Variants in L3MBTL4 observed in about 807,000 individuals in gnomAD.
L3MBTL4 encodes L3MBTL histone methyl-lysine binding protein 4, also known as lethal(3)malignant brain tumor-like protein 4.
A neutral mutation model predicts 84.5 loss-of-function variants in L3MBTL4; 70 were observed. The observed-to-expected ratio is 0.83, with a 90% CI of 0.68 to 1.01. L3MBTL4 has a LOEUF of 1.01. L3MBTL4 is among the 50% of genes least tolerant of loss of function. The pLI is 0.00. For missense variants in L3MBTL4, 715 were observed against 754.8 expected, an observed-to-expected ratio of 0.95 and a Z score of 0.62; for synonymous variants, 274 against 259.8, an observed-to-expected ratio of 1.05 and a Z score of -0.52.
chr18:6,126,262 A>G (rs975134753), intron 14 of L3MBTL4, among the ~76,000 whole-genome samples: 4 of 152,184 alleles, frequency 2.6e-5, no homozygotes, highest in African/African-American at 9.7e-5. Context: ...CCATAGACTA[A>G]TCTTGTAATA....
chr18:5,999,090 C>G (rs986740446), intron 16 of L3MBTL4, among the ~76,000 whole-genome samples: 4 of 152,210 alleles, frequency 2.6e-5, no homozygotes, highest in Non-Finnish European at 5.9e-5. Flanking sequence ...GTCCCACCTA[C>G]TGCCTCACCA....
At chr18:6,358,823 A>G (rs946727203) in intron 1 of L3MBTL4, among the ~76,000 whole-genome samples, 1 of 152,228 alleles carries the variant, frequency 6.6e-6, no homozygotes, top group African/African-American at 2.4e-5. Flanking sequence ...GGCAAGAGGA[A>G]TGAGCAGAAG....
chr18:5,962,735 C>T (rs1034188698), intron 17 of L3MBTL4, among the ~76,000 whole-genome samples: 2 of 152,180 alleles, frequency 1.3e-5, no homozygotes, highest in African/African-American at 4.8e-5. Context: ...AATGGTCCAG[C>T]AGGGTCTGTA....
chr18:6,029,800 T>C (rs1170682269), intron 16 of L3MBTL4: 22 of 985,272 alleles, frequency 2.2e-5, no homozygotes, highest in Non-Finnish European at 2.3e-5. Context: ...TAAAGTTCAT[T>C]TGGAAAAATG....
intron 16 of L3MBTL4, among the ~76,000 whole-genome samples, chr18:5,976,577 A>C (rs2052944990): frequency 1.3e-5 from 2 of 152,174 alleles, no homozygotes; most frequent in Admixed American, 1.3e-4. Context: ...GAAGGCGTGA[A>C]GACAGGAGGT....
In L3MBTL4 at chr18:6,105,279, C is replaced by T. The variant is rs1255874352; in HGVS notation, c.1200-11751G>A. On this transcript the variant is annotated intron_variant, in intron 14 of 18. Coordinates refer to ENST00000317931, the MANE Select transcript of L3MBTL4 (RefSeq NM_001330559.2). ...GATCTCAGCTCACGGCAACCTCCGC[C>T]TCCAGGGTTCAAGCGATTCTTCTGC... Among the ~76,000 whole-genome samples, 3 of 150,570 alleles carry T rather than the reference C, an allele frequency of 2.0e-5. No individual in the cohort carries two copies. The East Asian group carries it at 6.0e-4, about 30-fold the overall frequency.
intron 15 of L3MBTL4, among the ~76,000 whole-genome samples, chr18:6,087,246 C>G (rs2058288239): frequency 6.6e-6 from 1 of 152,146 alleles, no homozygotes. Flanking sequence ...AACTACATAC[C>G]AAAACCAAAT....
chr18:6,361,908 G>C (rs1054561493), intron 1 of L3MBTL4, among the ~76,000 whole-genome samples: 2 of 151,972 alleles, frequency 1.3e-5, no homozygotes, highest in Middle Eastern at 6.3e-3. Flanking sequence ...TTGACTCCAA[G>C]AGTTTGAGAC....
At chr18:6,277,153 G>T in intron 4 of L3MBTL4, among the ~76,000 whole-genome samples, 1 of 108,750 alleles carries the variant, frequency 9.2e-6, no homozygotes, top group South Asian at 3.9e-4. Flanking sequence ...GGGGGGACGG[G>T]GGAGGGATAG....
chr18:6,387,076 A>G (rs1174099358), intron 1 of L3MBTL4, among the ~76,000 whole-genome samples: 1 of 152,220 alleles, frequency 6.6e-6, no homozygotes, highest in East Asian at 1.9e-4. Context: ...GGCGACAGAC[A>G]GGATTACAGA....
chr18:6,283,938 A>T (rs2049436749), intron 4 of L3MBTL4, among the ~76,000 whole-genome samples: 1 of 152,234 alleles, frequency 6.6e-6, no homozygotes, highest in South Asian at 2.1e-4. Flanking sequence ...GATTTCTAAA[A>T]GGTAAGATTT....
intron 16 of L3MBTL4, among the ~76,000 whole-genome samples, chr18:5,981,624 T>C (rs2053220505): frequency 6.6e-6 from 1 of 150,750 alleles, no homozygotes; most frequent in Non-Finnish European, 1.5e-5. Context: ...AAGACCAGCC[T>C]GGGCAACACA....
chr18:6,266,722 G>A (rs897459549), intron 4 of L3MBTL4, among the ~76,000 whole-genome samples: 4 of 152,082 alleles, frequency 2.6e-5, no homozygotes, highest in Non-Finnish European at 4.4e-5. Context: ...TCAGGAGTTC[G>A]AGACCAGCCT....
intron 12 of L3MBTL4, among the ~76,000 whole-genome samples, chr18:6,184,607 T>A (rs2044634160): frequency 6.6e-6 from 1 of 152,236 alleles, no homozygotes; most frequent in Non-Finnish European, 1.5e-5. Flanking sequence ...TTTTAAGCCA[T>A]TTCTTCTTTT....
At position 5,956,058 on chromosome 18, in the gene L3MBTL4, T is replaced by C; in HGVS notation, c.*162A>G. On this transcript the variant is annotated 3_prime_UTR_variant, in exon 19 of 19. Transcript: ENST00000317931. ...CTCTGAGTCATTGGCACTGGACCAG[T>C]CATCAAAATCCTCTAAACATGTAAA... 1 of 659,052 alleles carries C rather than the reference T, an allele frequency of 1.5e-6. No individual in the cohort carries two copies. Among genetic ancestry groups the C allele is most frequent in the South Asian group, 1.9e-5 (1 of 51,556 alleles). The allele number at this position is 659,052 out of a possible 1,614,324, so 40.8% of individuals were successfully genotyped here.
At chr18:6,180,810 T>C (rs759572388) in intron 12 of L3MBTL4, among the ~76,000 whole-genome samples, 10 of 152,242 alleles carry the variant, frequency 6.6e-5, no homozygotes, top group Non-Finnish European at 1.2e-4. Context: ...GATTATTTGC[T>C]GTTTTTCCAT....
intron 1 of L3MBTL4, among the ~76,000 whole-genome samples, chr18:6,380,934 A>G (rs902931429): frequency 2.0e-5 from 3 of 152,080 alleles, no homozygotes; most frequent in African/African-American, 4.8e-5. Flanking sequence ...GTCTCCCACT[A>G]TTATTGTGTG....
intron 1 of L3MBTL4, among the ~76,000 whole-genome samples, chr18:6,322,274 ACTTC>A (rs2051445800): frequency 6.6e-6 from 1 of 151,790 alleles, no homozygotes; most frequent in South Asian, 2.1e-4. Flanking sequence ...GGAGGTCAAG[ACTTC>A]AGTGAGCCAG....
At chr18:6,215,585 A>G (rs964905700) in intron 11 of L3MBTL4, among the ~76,000 whole-genome samples, 165 bp downstream of exon 11, 1 of 152,244 alleles carries the variant, frequency 6.6e-6, no homozygotes, top group Non-Finnish European at 1.5e-5. Context: ...ATAGCAGATG[A>G]GTCACCTACT....
Sources: gnomAD v4.1 joint callset for allele counts (sites outside exome capture counted in the v4.1 genomes callset) on GRCh38, gnomAD v4.1.1 for gene constraint, MANE v1.5 for transcripts, NCBI Gene and HGNC (gene_info 2026-07-23, HGNC 2026-07-21) for gene names.